SELENOO: variants seen among roughly 807,000 people sequenced by gnomAD.
SELENOO encodes the protein selenoprotein O, also known as protein adenylyltransferase SelO, mitochondrial.
In SELENOO, 74 loss-of-function variants were observed where a neutral mutation model predicts 58.7. The observed-to-expected ratio is 1.26, with a 90% CI of 1.04 to 1.53. SELENOO has a LOEUF of 1.53. Ranked by LOEUF, SELENOO falls within the 40% of genes most tolerant of loss-of-function variation. The pLI is 0.00. For synonymous variants in SELENOO, 543 were observed against 453.2 expected (o/e 1.20, Z -2.52); for missense variants, 1,149 against 970.0 (o/e 1.18, Z -2.45).
chr22:50,211,978 T>C (rs1037265680), intron 5 of SELENOO, among the ~76,000 whole-genome samples: 6 of 152,356 alleles, frequency 3.9e-5, no homozygotes. Flanking sequence ...ACTGGGATTA[T>C]AGGCGTGAGC....
At chr22:50,212,847 C>T (rs1378132653) in intron 5 of SELENOO, among the ~76,000 whole-genome samples, 1 of 151,968 alleles carries the variant, frequency 6.6e-6, no homozygotes, top group Non-Finnish European at 1.5e-5. Context: ...TTTCTTCAGT[C>T]TATTGTCTCC....
intron 2 of SELENOO, among the ~76,000 whole-genome samples, chr22:50,207,401 G>A (rs1274978239): frequency 6.6e-6 from 1 of 152,040 alleles, no homozygotes; most frequent in African/African-American, 2.4e-5. Flanking sequence ...TAGAATTATA[G>A]GCCTGAGCCA....
chr22:50,207,490 T>C lies in SELENOO; in HGVS notation c.758+970T>C, dbSNP rs561626829. 4.6e-5 allele frequency among the ~76,000 whole-genome samples: 7 copies of C among 151,926 alleles called. No individual in the cohort carries two copies. The South Asian group carries it at 8.3e-4, about 18-fold the overall frequency. On this transcript the variant is annotated intron_variant, in intron 2 of 8. Transcript: ENST00000380903. ...TAGCACTTCCTCCTGAACACCTGAA[T>C]GTAGTTGTCTGTTGGTCTTGCAGCC...
chr22:50,212,822 C>T (rs1332042875), intron 5 of SELENOO, among the ~76,000 whole-genome samples: 1 of 150,758 alleles, frequency 6.6e-6, no homozygotes, highest in Non-Finnish European at 1.5e-5. Context: ...AGTGGAGTTA[C>T]GCAGCGTGTG....
rs1326098508 is a variant in SELENOO, at chr22:50,201,068, C to A, written c.32C>A (p.Ser11Ter). 1 of 1,359,306 alleles carries A rather than the reference C, an allele frequency of 7.4e-7. No individual in the cohort carries two copies. Among genetic ancestry groups the A allele is most frequent in the South Asian group, 1.8e-5 (1 of 57,100 alleles). The allele number at this position is 1,359,306 out of a possible 1,614,324, so 84.2% of individuals were successfully genotyped here. MAVYRAALGASLAAARLLPLG... is the reference protein window; with the variant it reads MAVYRAALGA ...GTATACAGGGCAGCGCTCGGGGCTT[C>A]GCTCGCGGCTGCCCGACTCTTGCCC... Residue 11 changes from serine (S) to a stop codon, truncating the protein, a stop_gained, in exon 1 of 9, where the codon TCG becomes TAG. Coordinates refer to ENST00000380903, the MANE Select transcript of SELENOO (RefSeq NM_031454.2). LOFTEE classifies it high-confidence loss of function.
intron 1 of SELENOO, among the ~76,000 whole-genome samples, chr22:50,202,972 T>C (rs2064312883): frequency 6.6e-6 from 1 of 152,170 alleles, no homozygotes; most frequent in Non-Finnish European, 1.5e-5. Context: ...TGTTCGTGGG[T>C]TGGATAACTT....
chr22:50,216,577 G>T, intron 6 of SELENOO, 114 bp from the exon 7 acceptor site: 1 of 993,964 alleles, frequency 1.0e-6, no homozygotes, highest in South Asian at 1.6e-5. Context: ...CGGGCTGCTT[G>T]GGCCCTTGGA....
rs747278341 is a variant in SELENOO, at chr22:50,217,021, C to T, written c.1738C>T (p.Gln580Ter). 2.6e-5 allele frequency: 42 copies of T among 1,611,734 alleles called. No individual in the cohort carries two copies. Among genetic ancestry groups the T allele is most frequent in the Non-Finnish European group, 3.6e-5 (42 of 1,179,824 alleles). Residue 580 changes from glutamine (Q) to a stop codon, truncating the protein, a stop_gained, in exon 8 of 9, where the codon CAG becomes TAG. Coordinates refer to ENST00000380903, the MANE Select transcript of SELENOO (RefSeq NM_031454.2). LOFTEE classifies it high-confidence loss of function. ...AGGCGCTGGGGACGCTGCCGCCTGGCAGGCTGAGCACGTGCGCGTGATGCA... is the reference window on the plus strand; with the variant it reads ...AGGCGCTGGGGACGCTGCCGCCTGGTAGGCTGAGCACGTGCGCGTGATGCA... ...LEGAGDAAAW[Q>*]AEHVRVMHAN...
At position 50,206,494 on chromosome 22, in the gene SELENOO, G is replaced by T. The variant is rs1159051899; in HGVS notation, c.732G>T (p.Val244=). The change falls in exon 2 of 9, where the codon GTG becomes GTT. Residue 244 remains valine (V), a synonymous_variant. Transcript: ENST00000380903. ...GNPKYEQCTV[V]LRVASTFIRF... ...CCAAATATGAACAATGCACGGTTGTGTTGCGTGTAGCTTCCACTTTCATAA... is the reference window on the plus strand; with the variant it reads ...CCAAATATGAACAATGCACGGTTGTTTTGCGTGTAGCTTCCACTTTCATAA... 1 of 1,613,962 alleles carries T rather than the reference G, an allele frequency of 6.2e-7. No homozygotes were observed.
Position 50,217,186 on chromosome 22 carries a change from C to G in SELENOO, c.1846-19C>G. On this transcript the variant is annotated intron_variant, in intron 8 of 8. Transcript: ENST00000380903. ...AGGGGGGTCGGCCCCAGACCCCTCT[C>G]ACCCTCCTGATCCTCCAGGTGCGGC... 6.2e-7 allele frequency: 1 copy of G among 1,611,724 alleles called. No individual in the cohort carries two copies.
At chr22:50,215,628 AGGGGGGTGG>A in intron 5 of SELENOO, 80 bp from the exon 6 acceptor site, 2 of 1,000,362 alleles carry the variant, frequency 2.0e-6, no homozygotes, top group Non-Finnish European at 2.6e-6. Context: ...CACCTGTGCC[AGGGGGGTGG>A]GGGGGGGGGG....
At chr22:50,216,216 G>A (rs912357646) in intron 6 of SELENOO, among the ~76,000 whole-genome samples, 2 of 152,168 alleles carry the variant, frequency 1.3e-5, no homozygotes, top group African/African-American at 2.4e-5. Flanking sequence ...GAAGAGTCCC[G>A]CCCACGTGCA....
chr22:50,207,210 CCTCCCGGGTTCAAGCGATT>C (rs2064338758), intron 2 of SELENOO, among the ~76,000 whole-genome samples: 2 of 152,018 alleles, frequency 1.3e-5, no homozygotes, highest in Non-Finnish European at 2.9e-5. Flanking sequence ...GCAACCTCCG[CCTCCCGGGTTCAAGCGATT>C]CTCCTACCTC....
intron 5 of SELENOO, 96 bp downstream of exon 5, chr22:50,211,007 C>A: frequency 7.2e-7 from 1 of 1,383,530 alleles, no homozygotes; most frequent in South Asian, 1.2e-5. Context: ...AGTGCACAGT[C>A]ACTCCCTGGG....
At chr22:50,209,024 A>G (rs1602491585) in intron 3 of SELENOO, among the ~76,000 whole-genome samples, 1 of 151,682 alleles carries the variant, frequency 6.6e-6, no homozygotes, top group Non-Finnish European at 1.5e-5. Flanking sequence ...TGGGCTGGGC[A>G]CCTCCCACGT....
intron 1 of SELENOO, among the ~76,000 whole-genome samples, chr22:50,202,056 T>C (rs2064306341): frequency 6.6e-6 from 1 of 152,128 alleles, no homozygotes; most frequent in African/African-American, 2.4e-5. Flanking sequence ...ACAGGTGGTC[T>C]AATAAGGCAG....
rs2064417842 is a variant in SELENOO at position 50,216,854 on chromosome 22, G to GCTGA, written c.1670_1673dup (p.Trp558Ter). The GCTGA allele has an allele frequency of 1.2e-6, 2 of 1,607,950 alleles. No homozygotes were observed. Among genetic ancestry groups the GCTGA allele is most frequent in the Non-Finnish European group, 1.7e-6 (2 of 1,179,890 alleles). On this transcript the variant is annotated frameshift_variant, in exon 7 of 9. Transcript: ENST00000380903. LOFTEE classifies it high-confidence loss of function. ...GCAGAGCAGGAACCAGGGCCACTGG[G>GCTGA]CTGACTGGCTACAGGCGTACAGGTG...
intron 1 of SELENOO, among the ~76,000 whole-genome samples, chr22:50,204,563 G>A (rs2064320356): frequency 6.6e-6 from 1 of 152,170 alleles, no homozygotes; most frequent in East Asian, 1.9e-4. Flanking sequence ...GGAGGCGGAG[G>A]TTGCAGTGAG....
At chr22:50,208,241 C>T in intron 2 of SELENOO, among the ~76,000 whole-genome samples, 1 of 152,052 alleles carries the variant, frequency 6.6e-6, no homozygotes, top group East Asian at 1.9e-4. Flanking sequence ...ACCAGCCTGA[C>T]CAACATGGTG....
Sources: allele counts gnomAD v4.1 joint callset (sites outside exome capture counted in the v4.1 genomes callset), GRCh38; gene constraint gnomAD v4.1.1; transcripts MANE v1.5; gene names NCBI Gene and HGNC (gene_info 2026-07-23, HGNC 2026-07-21).